The following TRANK1 variants were observed in gnomAD, a reference collection of about 807,000 sequenced individuals.
TRANK1 encodes the protein tetratricopeptide repeat and ankyrin repeat containing 1, also known as TPR and ankyrin repeat-containing protein 1.
A neutral mutation model predicts 266.0 loss-of-function variants in TRANK1; 198 were observed. The observed-to-expected ratio is 0.74, with a 90% CI of 0.66 to 0.84. The LOEUF is 0.84. Among genes scored for constraint, TRANK1 ranks in the 40% least tolerant of loss-of-function variants. The probability of loss-of-function intolerance (pLI) is 0.00; values close to 1 mark genes in which losing one functional copy is unlikely to be tolerated. For synonymous variants in TRANK1, 1,396 were observed against 1,384.1 expected, an observed-to-expected ratio of 1.01 and a Z score of -0.19; for missense variants, 3,326 against 3,634.6, an observed-to-expected ratio of 0.92 and a Z score of 2.18.
chr3:36,914,981 C>T (rs2080105155), intron 1 of TRANK1, among the ~76,000 whole-genome samples: 1 of 151,372 alleles, frequency 6.6e-6, no homozygotes, highest in African/African-American at 2.4e-5. Flanking sequence ...GAAAGAGTCT[C>T]ATCTCTGTCA....
At chr3:36,941,810 G>A (rs1575344004) in intron 1 of TRANK1, among the ~76,000 whole-genome samples, 1 of 152,232 alleles carries the variant, frequency 6.6e-6, no homozygotes, top group East Asian at 1.9e-4. Context: ...CTTAACAAGG[G>A]TGCTTTTGGC....
At chr3:36,900,160 C>A (rs1008631168) in intron 3 of TRANK1, among the ~76,000 whole-genome samples, 4 of 152,186 alleles carry the variant, frequency 2.6e-5, no homozygotes, top group African/African-American at 9.6e-5. Flanking sequence ...TGCAAGTGAG[C>A]CACTGCACCT....
chr3:36,879,386 T>C (rs1045419950), intron 8 of TRANK1, among the ~76,000 whole-genome samples: 1 of 151,170 alleles, frequency 6.6e-6, no homozygotes, highest in Non-Finnish European at 1.5e-5. Flanking sequence ...TTTTGTTTCT[T>C]TGTTCAAAGT....
intron 8 of TRANK1, among the ~76,000 whole-genome samples, chr3:36,879,773 T>TATATATAAATATGTAA: frequency 1.6e-5 from 1 of 64,206 alleles, no homozygotes; most frequent in South Asian, 4.5e-4. Flanking sequence ...TATATATAAA[T>TATATATAAATATGTAA]ATATATAAAT....
Position 36,899,231 on chromosome 3 carries a change from A to G in TRANK1, c.311T>C (p.Leu104Pro). ...KGYYRAGYSL[L>P]RLHQPYEAAR... ...GGCTTCGTAAGGCTGGTGCAACCTCAGCAAGGAATAACCAGCTCGGTAGTA... is the reference window on the plus strand; with the variant it reads ...GGCTTCGTAAGGCTGGTGCAACCTCGGCAAGGAATAACCAGCTCGGTAGTA... The change falls in exon 4 of 24, where the codon CTG becomes CCG. Residue 104 changes from leucine (L) to proline (P), a missense_variant. Transcript: ENST00000645898. The G allele has an allele frequency of 2.0e-6, 3 of 1,537,340 alleles. No individual in the cohort carries two copies. Among genetic ancestry groups the G allele is most frequent in the Non-Finnish European group, 2.6e-6 (3 of 1,146,922 alleles).
intron 1 of TRANK1, among the ~76,000 whole-genome samples, chr3:36,912,407 A>T: frequency 6.6e-6 from 1 of 152,190 alleles, no homozygotes. Context: ...TAAAATCACT[A>T]GGGTATCTTA....
In TRANK1 at chr3:36,918,564, T is replaced by TAGGA. The variant is rs1335352179; in HGVS notation, c.24-10114_24-10111dup. Among the ~76,000 whole-genome samples, 92 of 15,636 alleles carry TAGGA rather than the reference T, an allele frequency of 5.9e-3. 4 individuals are homozygous for TAGGA. The highest frequency in any genetic ancestry group is 7.5e-3 in the Non-Finnish European group (50 of 6,626). 10.3% of individuals were successfully genotyped at this position (15,636 alleles called of 152,430 possible). A position where few individuals can be genotyped will look rare whatever the true frequency, so the allele number is the denominator to read the frequency against. ...GAAGGAAGGAAGGAAGGAAGGAAGG[T>TAGGA]AGGAAGGAAGGAAGGAAGGAAGGAA... On this transcript the variant is annotated intron_variant, in intron 1 of 23. Transcript: ENST00000645898.
At chr3:36,944,326 C>T (rs897910228) in intron 1 of TRANK1, among the ~76,000 whole-genome samples, 12 of 152,200 alleles carry the variant, frequency 7.9e-5, no homozygotes, top group Non-Finnish European at 1.6e-4. Context: ...TCCAAGTTCC[C>T]CGCAAATTCC....
intron 8 of TRANK1, among the ~76,000 whole-genome samples, chr3:36,885,055 T>C (rs184633879): frequency 1.1e-4 from 17 of 152,080 alleles, no homozygotes; most frequent in African/African-American, 3.4e-4. Flanking sequence ...GATACCAAAA[T>C]TGGTGGGCAG....
At chr3:36,878,002 A>G (rs974903711) in intron 8 of TRANK1, among the ~76,000 whole-genome samples, 5 of 151,984 alleles carry the variant, frequency 3.3e-5, no homozygotes, top group African/African-American at 1.2e-4. Flanking sequence ...TAAAGAAAAA[A>G]CATGCGAGTC....
chr3:36,871,890 C>T (rs1161215429), intron 9 of TRANK1, among the ~76,000 whole-genome samples: 1 of 152,220 alleles, frequency 6.6e-6, no homozygotes, highest in East Asian at 1.9e-4. Flanking sequence ...GACTATCTCC[C>T]ACCCCAACAC....
intron 9 of TRANK1, among the ~76,000 whole-genome samples, chr3:36,867,104 G>A (rs2079238254): frequency 1.3e-5 from 2 of 151,992 alleles, no homozygotes; most frequent in Non-Finnish European, 2.9e-5. Flanking sequence ...GTGTAGTAAA[G>A]CAATATCTGG....
chr3:36,868,372 T>C (rs2079258267), intron 9 of TRANK1, among the ~76,000 whole-genome samples: 1 of 152,204 alleles, frequency 6.6e-6, no homozygotes, highest in Admixed American at 6.5e-5. Flanking sequence ...TGTTAAGTGA[T>C]GACTTACTGT....
intron 7 of TRANK1, among the ~76,000 whole-genome samples, chr3:36,891,454 C>G (rs1030546613): frequency 6.6e-6 from 1 of 152,220 alleles, no homozygotes; most frequent in Non-Finnish European, 1.5e-5. Context: ...CCACCTCCCA[C>G]ACCCCCATTC....
At chr3:36,845,524 T>C (rs933385457) in intron 17 of TRANK1, among the ~76,000 whole-genome samples, 2 of 152,340 alleles carry the variant, frequency 1.3e-5, no homozygotes, top group East Asian at 1.9e-4. Context: ...TATATACACA[T>C]ACATACATAC....
intron 8 of TRANK1, among the ~76,000 whole-genome samples, chr3:36,884,950 A>AT (rs1491458940): frequency 6.9e-6 from 1 of 144,526 alleles, no homozygotes; most frequent in Non-Finnish European, 1.5e-5. Flanking sequence ...AAAAAAAAAA[A>AT]TTAAACAATA....
intron 8 of TRANK1, among the ~76,000 whole-genome samples, chr3:36,887,857 A>G (rs1203298324): frequency 6.6e-6 from 1 of 152,240 alleles, no homozygotes; most frequent in Non-Finnish European, 1.5e-5. Context: ...ATAATAAATA[A>G]CAAGGGTTAG....
chr3:36,852,219 C>T lies in TRANK1; in HGVS notation c.4676G>A (p.Ser1559Asn), dbSNP rs377308006. The T allele has an allele frequency of 4.2e-5, 68 of 1,613,116 alleles. No individual in the cohort carries two copies. The highest frequency in any genetic ancestry group is 5.3e-5 in the African/African-American group (4 of 74,852). ...TAGCAAAATTGCCAAGTCGCTTACA[C>T]TACAAGACTCCAGAACAGTTGGCTT... ...GPKPTVLESCSVSDLAILLRG... is the reference protein window; with the variant it reads ...GPKPTVLESCNVSDLAILLRG... The change falls in exon 14 of 24, where the codon AGT becomes AAT. Residue 1559 changes from serine to asparagine, a missense_variant. Ser to Asn is a conservative substitution (Grantham distance 46). Transcript: ENST00000645898.
chr3:36,937,520 A>G (rs906978170), intron 1 of TRANK1, among the ~76,000 whole-genome samples: 2 of 152,226 alleles, frequency 1.3e-5, no homozygotes, highest in Non-Finnish European at 2.9e-5. Context: ...TTAACAACCC[A>G]TAGGACAGAA....
Sources: gnomAD v4.1 joint callset for allele counts (sites outside exome capture counted in the v4.1 genomes callset) on GRCh38, gnomAD v4.1.1 for gene constraint, MANE v1.5 for transcripts, NCBI Gene and HGNC (gene_info 2026-07-23, HGNC 2026-07-21) for gene names.